SCFD2: variants seen among roughly 807,000 people sequenced by gnomAD.
SCFD2 encodes sec1 family domain containing 2.
A neutral mutation model predicts 58.9 loss-of-function variants in SCFD2; 54 were observed. The ratio of observed to expected loss-of-function variants is 0.92; its 90% CI spans 0.74 to 1.15. The LOEUF (loss-of-function observed/expected upper bound fraction) is 1.15, where lower values mean the gene tolerates loss of function less well. SCFD2 is among the 50% of genes most tolerant of loss of function. The probability of loss-of-function intolerance (pLI) is 0.00; values close to 1 mark genes in which losing one functional copy is unlikely to be tolerated. For missense variants in SCFD2, 805 were observed against 836.6 expected (o/e 0.96, Z 0.47); for synonymous variants, 321 against 335.9 (o/e 0.96, Z 0.49).
chr4:53,104,594 T>C (rs1250652968), intron 5 of SCFD2, among the ~76,000 whole-genome samples: 2 of 152,198 alleles, frequency 1.3e-5, no homozygotes, highest in East Asian at 1.9e-4. Context: ...TACTTGTAAA[T>C]GTACCATACT....
intron 3 of SCFD2, among the ~76,000 whole-genome samples, chr4:53,288,515 C>T (rs1322870590): frequency 6.6e-6 from 1 of 152,068 alleles, no homozygotes; most frequent in African/African-American, 2.4e-5. Context: ...ACAAGGGAAT[C>T]CCCATCAGAT....
chr4:53,164,954 G>A (rs1357080286), intron 4 of SCFD2, among the ~76,000 whole-genome samples: 3 of 152,136 alleles, frequency 2.0e-5, no homozygotes, highest in Non-Finnish European at 2.9e-5. Flanking sequence ...TAGCAACAAT[G>A]CTATAACAAG....
intron 5 of SCFD2, among the ~76,000 whole-genome samples, chr4:53,052,226 A>C (rs965073927): frequency 1.3e-5 from 2 of 152,030 alleles, no homozygotes; most frequent in African/African-American, 4.8e-5. Flanking sequence ...AGATACACTA[A>C]CTTTCTTTTA....
chr4:52,984,907 T>G (rs1410020898), intron 5 of SCFD2, among the ~76,000 whole-genome samples: 2 of 152,214 alleles, frequency 1.3e-5, no homozygotes, highest in Non-Finnish European at 2.9e-5. Flanking sequence ...TTTTGCTTAC[T>G]TGCCTACACT....
At chr4:53,103,293 G>C (rs1724882199) in intron 5 of SCFD2, among the ~76,000 whole-genome samples, 1 of 152,002 alleles carries the variant, frequency 6.6e-6, no homozygotes, top group Non-Finnish European at 1.5e-5. Flanking sequence ...GGTGAGTAGG[G>C]GTTGGGAGTC....
intron 5 of SCFD2, among the ~76,000 whole-genome samples, chr4:53,047,943 T>C (rs144158366): frequency 1.3e-5 from 2 of 152,264 alleles, no homozygotes; most frequent in East Asian, 3.9e-4. Context: ...ACTGGTCACA[T>C]GTGAGGGAAT....
chr4:53,339,880 G>A (rs111996948), intron 2 of SCFD2, among the ~76,000 whole-genome samples: 1 of 152,068 alleles, frequency 6.6e-6, no homozygotes, highest in Non-Finnish European at 1.5e-5. Context: ...AAAAACAGAG[G>A]CTACAAACAC....
At chr4:53,012,705 T>C (rs935167691) in intron 5 of SCFD2, among the ~76,000 whole-genome samples, 1 of 152,212 alleles carries the variant, frequency 6.6e-6, no homozygotes, top group Non-Finnish European at 1.5e-5. Flanking sequence ...CTCATCAGCA[T>C]GTTCTAGCCA....
intron 4 of SCFD2, among the ~76,000 whole-genome samples, chr4:53,238,052 G>A (rs1423179764): frequency 8.0e-5 from 11 of 136,802 alleles, no homozygotes; most frequent in Admixed American, 2.1e-4. Flanking sequence ...CGGGCGGGGG[G>A]CTGACCCCCC....
chr4:53,184,343 G>A (rs1393776731), intron 4 of SCFD2, among the ~76,000 whole-genome samples: 1 of 151,956 alleles, frequency 6.6e-6, no homozygotes, highest in African/African-American at 2.4e-5. Context: ...ACCTTAAAGG[G>A]AACATACTCT....
At chr4:53,095,574 T>C (rs1724599129) in intron 5 of SCFD2, among the ~76,000 whole-genome samples, 1 of 152,152 alleles carries the variant, frequency 6.6e-6, no homozygotes, top group African/African-American at 2.4e-5. Context: ...TGATAGACAC[T>C]GTGATCCTTT....
At chr4:53,158,429 C>A (rs1358791976) in intron 4 of SCFD2, among the ~76,000 whole-genome samples, 2 of 152,120 alleles carry the variant, frequency 1.3e-5, no homozygotes, top group Non-Finnish European at 2.9e-5. Flanking sequence ...TTTGTACCCC[C>A]AAATTTGCTC....
At chr4:52,970,581 AC>A in intron 5 of SCFD2, among the ~76,000 whole-genome samples, 1 of 152,286 alleles carries the variant, frequency 6.6e-6, no homozygotes, top group East Asian at 1.9e-4. Context: ...TGTAGACTCC[AC>A]CCCTGGGGGC....
Position 53,034,746 on chromosome 4 carries a change from A to G in SCFD2, c.1561+110587T>C, listed in dbSNP as rs1334419896. ...CCAATTGCTACAAAGGGAATAAAAT[A>G]CCTAGGAATCCAACTTACAAGGGAT... On this transcript the variant is annotated intron_variant, in intron 5 of 8. Coordinates refer to ENST00000401642, the MANE Select transcript of SCFD2 (RefSeq NM_152540.4). Among the ~76,000 whole-genome samples, 3 of 152,320 alleles carry G rather than the reference A, an allele frequency of 2.0e-5. No homozygotes were observed. In the East Asian group the frequency reaches 5.8e-4, roughly 29 times the overall value.
At chr4:53,232,038 A>G (rs1337762197) in intron 4 of SCFD2, among the ~76,000 whole-genome samples, 1 of 152,138 alleles carries the variant, frequency 6.6e-6, no homozygotes, top group Non-Finnish European at 1.5e-5. Context: ...ATAAGACAGA[A>G]GAGAAATTCT....
chr4:53,007,305 G>GGAGGGAGAGAGAGAGAGAGAGAGA (rs1721991087), intron 5 of SCFD2, among the ~76,000 whole-genome samples: 1 of 66,072 alleles, frequency 1.5e-5, no homozygotes, highest in African/African-American at 6.2e-5. Context: ...AGAGGGAGAG[G>GGAGGGAGAGAGAGAGAGAGAGAGA]GAGAGAGAGA....
chr4:53,336,277 CA>C (rs1206256385), intron 2 of SCFD2, among the ~76,000 whole-genome samples: 1 of 151,990 alleles, frequency 6.6e-6, no homozygotes, highest in Non-Finnish European at 1.5e-5. Context: ...AAAACAGAAA[CA>C]AAAGGTAAAG....
chr4:53,161,146 G>A (rs1036460067), intron 4 of SCFD2, among the ~76,000 whole-genome samples: 7 of 152,194 alleles, frequency 4.6e-5, no homozygotes, highest in East Asian at 1.9e-4. Flanking sequence ...CTACTCCTTA[G>A]AGGGAGGGAG....
intron 5 of SCFD2, among the ~76,000 whole-genome samples, chr4:53,102,100 A>G (rs1473723243): frequency 6.6e-6 from 1 of 152,300 alleles, no homozygotes; most frequent in East Asian, 1.9e-4. Context: ...CCAGCAAAAG[A>G]CCTGACCACA....
Sources: gnomAD v4.1 joint callset for allele counts (sites outside exome capture counted in the v4.1 genomes callset) on GRCh38, gnomAD v4.1.1 for gene constraint, MANE v1.5 for transcripts, NCBI Gene and HGNC (gene_info 2026-07-23, HGNC 2026-07-21) for gene names.